ABI3BP: variants seen among roughly 807,000 people sequenced by gnomAD.
ABI3BP encodes the protein ABI family member 3 binding protein, also known as target of Nesh-SH3.
In ABI3BP, 216 loss-of-function variants were observed where a neutral mutation model predicts 268.6. The ratio of observed to expected loss-of-function variants is 0.80; its 90% CI spans 0.72 to 0.90. ABI3BP has a LOEUF of 0.90. Among genes scored for constraint, ABI3BP ranks in the 40% least tolerant of loss-of-function variants. The probability of loss-of-function intolerance (pLI) is 0.00; values close to 1 mark genes in which losing one functional copy is unlikely to be tolerated. For missense variants in ABI3BP, 2,090 were observed against 2,182.4 expected (o/e 0.96, Z 0.84); for synonymous variants, 730 against 730.0 (o/e 1.00, Z 0.00).
intron 1 of ABI3BP, among the ~76,000 whole-genome samples, chr3:100,960,932 AGT>A (rs2078878493): frequency 6.6e-6 from 1 of 152,238 alleles, no homozygotes; most frequent in Non-Finnish European, 1.5e-5. Context: ...CTTTCATTTC[AGT>A]CTTGTAAGAC....
At position 100,846,375 on chromosome 3, in the gene ABI3BP, G is replaced by A; in HGVS notation, c.1720C>T (p.Pro574Ser). The change falls in exon 20 of 68, where the codon CCT becomes TCT. Residue 574 changes from proline to serine, a missense_variant. Physicochemically the swap from Pro to Ser is moderately conservative, Grantham distance 74 (BLOSUM62 -1). Transcript: ENST00000471714. ...CAAAAAAGTTTAGGGTAATTACCAG[G>A]TTTGGTGTGTGTCACTTCTGGGCTG... ...PLSPEVTHTK[P>S]APEPQTLLPS... The A allele has an allele frequency of 6.3e-7, 1 of 1,594,202 alleles. No homozygotes were observed. Among genetic ancestry groups the A allele is most frequent in the East Asian group, 2.3e-5 (1 of 44,406 alleles).
In ABI3BP at chr3:100,816,738, C is replaced by T. The variant is rs949304072; in HGVS notation, c.3179G>A (p.Arg1060His). 6.3e-5 allele frequency: 96 copies of T among 1,535,564 alleles called. No individual in the cohort carries two copies. The Middle Eastern group carries it at 1.0e-3, about 16-fold the overall frequency. ...ACTTGATGTAGTTTTGGGTCTGGGACGGGGACGACGTGTCCGTTGTGTTTT... is the reference window on the plus strand; with the variant it reads ...ACTTGATGTAGTTTTGGGTCTGGGATGGGGACGACGTGTCCGTTGTGTTTT... ...APKTQRTRRP[R>H]PRPKTTSSPE... Residue 1060 changes from arginine (R) to histidine (H), a missense_variant, in exon 43 of 68, where the codon CGT (arginine) becomes CAT (histidine). Arg to His is a conservative substitution (Grantham distance 29). Coordinates refer to ENST00000471714, the MANE Select transcript of ABI3BP (RefSeq NM_001375547.2).
chr3:100,976,997 T>G (rs1417889618), intron 1 of ABI3BP, among the ~76,000 whole-genome samples: 1 of 152,210 alleles, frequency 6.6e-6, no homozygotes, highest in Non-Finnish European at 1.5e-5. Flanking sequence ...TTCTATGAAT[T>G]TTTTTAAAGG....
chr3:100,749,858 T>G lies in ABI3BP; in HGVS notation c.*637A>C. ...ACTCCATTTTTAGCTGAAATGAAAT[T>G]TACTGATTCAATCTTTTTAAGAATT... On this transcript the variant is annotated 3_prime_UTR_variant, in exon 68 of 68. Coordinates refer to ENST00000471714, the MANE Select transcript of ABI3BP (RefSeq NM_001375547.2). 1 of 396,428 alleles carries G rather than the reference T, an allele frequency of 2.5e-6. No homozygotes were observed. Among genetic ancestry groups the G allele is most frequent in the Non-Finnish European group, 4.4e-6 (1 of 225,020 alleles). 24.6% of individuals were successfully genotyped at this position (396,428 alleles called of 1,614,324 possible). A position where few individuals can be genotyped will look rare whatever the true frequency, so the allele number is the denominator to read the frequency against.
intron 2 of ABI3BP, among the ~76,000 whole-genome samples, chr3:100,919,531 A>G (rs1450495039): frequency 2.0e-5 from 3 of 152,228 alleles, no homozygotes; most frequent in Non-Finnish European, 4.4e-5. Context: ...ATTTATAAGC[A>G]TACAATTTAT....
intron 4 of ABI3BP, among the ~76,000 whole-genome samples, chr3:100,887,397 C>A (rs2042481766): frequency 6.6e-6 from 1 of 151,884 alleles, no homozygotes; most frequent in South Asian, 2.1e-4. Context: ...AATATGTTAC[C>A]AAATATTATT....
At chr3:100,929,762 C>T (rs1372584206) in intron 1 of ABI3BP, among the ~76,000 whole-genome samples, 2 of 152,038 alleles carry the variant, frequency 1.3e-5, no homozygotes, top group Non-Finnish European at 2.9e-5. Flanking sequence ...CACCTTTGCT[C>T]AGGTTGTCCA....
chr3:100,766,606 G>A (rs922806592), intron 62 of ABI3BP, among the ~76,000 whole-genome samples: 7 of 152,152 alleles, frequency 4.6e-5, no homozygotes, highest in Non-Finnish European at 8.8e-5. Flanking sequence ...TCTGCATAGA[G>A]ATCTGCCTAA....
At chr3:100,991,284 A>G (rs2092869076) in intron 1 of ABI3BP, among the ~76,000 whole-genome samples, 1 of 147,552 alleles carries the variant, frequency 6.8e-6, no homozygotes, top group Admixed American at 6.7e-5. Context: ...GAACAAAAGT[A>G]AAAACTTTTA....
chr3:100,771,018 C>A, intron 61 of ABI3BP, 66 bp from the exon 62 acceptor site: 1 of 1,294,082 alleles, frequency 7.7e-7, no homozygotes, highest in South Asian at 2.0e-5. Context: ...GAAGTGAGCT[C>A]ATAAATATAA....
At chr3:100,763,302 A>T (rs926346072) in intron 63 of ABI3BP, among the ~76,000 whole-genome samples, 2 of 151,844 alleles carry the variant, frequency 1.3e-5, no homozygotes, top group Non-Finnish European at 2.9e-5. Flanking sequence ...CTCTACTAAA[A>T]ATACAAAAAA....
intron 64 of ABI3BP, 72 bp downstream of exon 64, chr3:100,754,540 C>A: frequency 6.9e-7 from 1 of 1,442,608 alleles, no homozygotes; most frequent in Non-Finnish European, 9.5e-7. Context: ...TTCAAACAAA[C>A]TTCCTACGCA....
At chr3:100,882,689 G>A (rs1362298623) in intron 6 of ABI3BP, among the ~76,000 whole-genome samples, 1 of 151,848 alleles carries the variant, frequency 6.6e-6, no homozygotes, top group African/African-American at 2.4e-5. Context: ...TGCTTATATT[G>A]AGGGGGAAAA....
intron 1 of ABI3BP, among the ~76,000 whole-genome samples, chr3:100,932,878 C>T (rs13100301): frequency 0.1 from 15,708 of 152,050 alleles, 1,100 homozygotes; most frequent in Non-Finnish European, 0.15. Context: ...AATCATTTTA[C>T]CAAAAAGACA....
At chr3:100,835,972 A>C (rs572289159) in intron 27 of ABI3BP, among the ~76,000 whole-genome samples, 29 of 152,142 alleles carry the variant, frequency 1.9e-4, no homozygotes, top group Non-Finnish European at 3.7e-4. Context: ...GTACTCTAAA[A>C]ATTTGTTATA....
At position 100,802,301 on chromosome 3, in the gene ABI3BP, C is replaced by T. The variant is rs77184614; in HGVS notation, c.3757+2491G>A. Among the ~76,000 whole-genome samples, 57 of 152,286 alleles carry T rather than the reference C, an allele frequency of 3.7e-4. No homozygotes were observed. In the East Asian group the frequency reaches 6.0e-3, roughly 16 times the overall value. ...TTACTTCCTGGTTTGCTCCTGATGA[C>T]TGAAACCTATCCCAATGCCTGGGGG... On this transcript the variant is annotated intron_variant, in intron 51 of 67. Transcript: ENST00000471714.
chr3:100,847,753 C>T, intron 18 of ABI3BP, 80 bp from the exon 19 acceptor site: 1 of 1,185,534 alleles, frequency 8.4e-7, no homozygotes, highest in Non-Finnish European at 1.2e-6. Context: ...CTAAATGATC[C>T]ATTTAAAATC....
rs187599620 is a variant in ABI3BP at position 100,854,705 on chromosome 3, A to C, written c.1286-2765T>G. On this transcript the variant is annotated intron_variant, in intron 14 of 67. Coordinates refer to ENST00000471714, the MANE Select transcript of ABI3BP (RefSeq NM_001375547.2). ...AGTATTACTGATTTTGCATTCACAG[A>C]ACATACATGGGACCAAAAGTTGTAG... is the stretch of plus-strand genomic sequence containing the variant. 2.6e-5 allele frequency among the ~76,000 whole-genome samples: 4 copies of C among 152,350 alleles called. No homozygotes were observed. In the East Asian group the frequency reaches 7.7e-4, roughly 29 times the overall value.
chr3:100,915,150 C>G (rs1335877588), intron 2 of ABI3BP, among the ~76,000 whole-genome samples: 1 of 152,234 alleles, frequency 6.6e-6, no homozygotes, highest in African/African-American at 2.4e-5. Flanking sequence ...CCACTCTCTT[C>G]CCCCTCCACT....
Sources: gnomAD v4.1 joint callset for allele counts (sites outside exome capture counted in the v4.1 genomes callset) on GRCh38, gnomAD v4.1.1 for gene constraint, MANE v1.5 for transcripts, NCBI Gene and HGNC (gene_info 2026-07-23, HGNC 2026-07-21) for gene names.